CRPPA: variants seen among roughly 807,000 people sequenced by gnomAD.
CRPPA encodes CDP-L-ribitol pyrophosphorylase A.
Under a neutral mutation model 52.0 loss-of-function variants are expected in CRPPA, and 43 were observed. The ratio of observed to expected loss-of-function variants is 0.83; its 90% CI spans 0.65 to 1.07. The LOEUF is 1.07. Among genes scored for constraint, CRPPA ranks in the 50% least tolerant of loss-of-function variants. The pLI, the probability that CRPPA is intolerant of heterozygous loss-of-function variation, is 0.00. For synonymous variants in CRPPA, 250 were observed against 203.5 expected (o/e 1.23, Z -1.94); for missense variants, 629 against 551.7 (o/e 1.14, Z -1.40).
chr7:16,299,090 G>C (rs550947652), intron 5 of CRPPA, among the ~76,000 whole-genome samples: 1 of 152,104 alleles, frequency 6.6e-6, no homozygotes, highest in Admixed American at 6.5e-5. Flanking sequence ...ACATCCTACT[G>C]GTTCTGTTTC....
intron 9 of CRPPA, among the ~76,000 whole-genome samples, chr7:16,175,991 A>G (rs1173194988): frequency 1.3e-5 from 2 of 152,116 alleles, no homozygotes; most frequent in Non-Finnish European, 2.9e-5. Flanking sequence ...ACACTGGCGA[A>G]AAGCTTCTTA....
chr7:16,399,822 G>A (rs577931662), intron 2 of CRPPA, among the ~76,000 whole-genome samples: 12 of 152,260 alleles, frequency 7.9e-5, no homozygotes, highest in South Asian at 2.1e-4. Context: ...TGATCGTCAC[G>A]TGATCAGCAC....
chr7:16,359,454 T>C (rs7798432), intron 3 of CRPPA, among the ~76,000 whole-genome samples: 4,179 of 152,324 alleles, frequency 0.027, 188 homozygotes, highest in African/African-American at 0.095. Flanking sequence ...CTGGTGTGCA[T>C]AGCTCTTGCT....
intron 6 of CRPPA, among the ~76,000 whole-genome samples, chr7:16,262,847 T>C (rs1320299822): frequency 1.3e-5 from 2 of 152,228 alleles, no homozygotes; most frequent in South Asian, 2.1e-4. Context: ...AGCCAGATTA[T>C]CATCTGCACT....
chr7:16,130,934 C>T (rs1782669967), intron 9 of CRPPA, among the ~76,000 whole-genome samples: 1 of 152,110 alleles, frequency 6.6e-6, no homozygotes, highest in Non-Finnish European at 1.5e-5. Flanking sequence ...AGCAAGTTCC[C>T]ACACCCTTCC....
At chr7:16,139,900 C>T (rs1038221610) in intron 9 of CRPPA, among the ~76,000 whole-genome samples, 82 of 151,992 alleles carry the variant, frequency 5.4e-4, no homozygotes, top group African/African-American at 1.9e-3. Context: ...AGCAGATAAT[C>T]TGCTGCAAGA....
chr7:16,238,470 A>G (rs1783009398), intron 8 of CRPPA, among the ~76,000 whole-genome samples: 1 of 152,182 alleles, frequency 6.6e-6, no homozygotes, highest in Non-Finnish European at 1.5e-5. Context: ...GGGCTTGGAT[A>G]GACATGAAAG....
chr7:16,357,815 A>G (rs1258663267), intron 3 of CRPPA, among the ~76,000 whole-genome samples: 1 of 152,224 alleles, frequency 6.6e-6, no homozygotes, highest in African/African-American at 2.4e-5. Context: ...CCAATGAAGG[A>G]ACATACCCTC....
chr7:16,183,996 T>C (rs529238459), intron 9 of CRPPA, among the ~76,000 whole-genome samples: 8 of 152,204 alleles, frequency 5.3e-5, no homozygotes, highest in Admixed American at 2.6e-4. Flanking sequence ...GGCTGGACTG[T>C]AGTGGCGTGA....
chr7:16,397,320 TG>T (rs544966122), intron 2 of CRPPA, among the ~76,000 whole-genome samples: 1 of 152,132 alleles, frequency 6.6e-6, no homozygotes, highest in Non-Finnish European at 1.5e-5. Context: ...TGACACGTGA[TG>T]GACACGTGTG....
intron 9 of CRPPA, among the ~76,000 whole-genome samples, chr7:16,164,820 C>T (rs191919584): frequency 3.9e-5 from 6 of 152,122 alleles, no homozygotes; most frequent in Non-Finnish European, 8.8e-5. Flanking sequence ...TGTTTGCCCA[C>T]GTATTGCCAG....
At chr7:16,400,348 T>C (rs985265190) in intron 2 of CRPPA, among the ~76,000 whole-genome samples, 5 of 152,164 alleles carry the variant, frequency 3.3e-5, no homozygotes, top group Non-Finnish European at 7.3e-5. Context: ...GTGATTGACA[T>C]GATTGACACA....
chr7:16,153,851 A>G (rs138338991), intron 9 of CRPPA, among the ~76,000 whole-genome samples: 11 of 152,160 alleles, frequency 7.2e-5, no homozygotes, highest in African/African-American at 2.6e-4. Flanking sequence ...CCCTTGAGAT[A>G]AACTTTAGGA....
At chr7:16,302,473 T>C (rs1784810394) in intron 4 of CRPPA, among the ~76,000 whole-genome samples, 1 of 152,146 alleles carries the variant, frequency 6.6e-6, no homozygotes, top group African/African-American at 2.4e-5. Context: ...TAATTCTATA[T>C]CACAGAGCTG....
chr7:16,347,951 G>C (rs1786056850), intron 3 of CRPPA, among the ~76,000 whole-genome samples: 1 of 152,064 alleles, frequency 6.6e-6, no homozygotes, highest in African/African-American at 2.4e-5. Flanking sequence ...AGGCACAAAA[G>C]CACTTCCAGG....
chr7:16,220,977 G>A (rs552628538), intron 8 of CRPPA, among the ~76,000 whole-genome samples: 308 of 152,016 alleles, frequency 2.0e-3, no homozygotes, highest in South Asian at 5.0e-3. Flanking sequence ...AAAAGAGCCC[G>A]CATCACCAAG....
chr7:16,267,353 T>C (rs913436629), intron 6 of CRPPA, among the ~76,000 whole-genome samples: 3 of 152,242 alleles, frequency 2.0e-5, no homozygotes, highest in African/African-American at 4.8e-5. Flanking sequence ...CTGTTATAAA[T>C]GCAGATTTTA....
chr7:16,285,519 T>C (rs1189982351), intron 5 of CRPPA, among the ~76,000 whole-genome samples: 4 of 152,172 alleles, frequency 2.6e-5, no homozygotes, highest in Non-Finnish European at 5.9e-5. Context: ...TGATTTATAA[T>C]GAATAACTCT....
At chr7:16,347,052 A>G (rs954035370) in intron 3 of CRPPA, among the ~76,000 whole-genome samples, 2 of 152,114 alleles carry the variant, frequency 1.3e-5, no homozygotes, top group Admixed American at 1.3e-4. Context: ...TGTCCATAAT[A>G]ACTAATAAAT....
Sources: gnomAD v4.1 joint callset for allele counts (sites outside exome capture counted in the v4.1 genomes callset) on GRCh38, gnomAD v4.1.1 for gene constraint, MANE v1.5 for transcripts, NCBI Gene and HGNC (gene_info 2026-07-23, HGNC 2026-07-21) for gene names.